The following MAOB variants were observed in gnomAD, a reference collection of about 807,000 sequenced individuals.
The protein encoded by MAOB is amine oxidase [flavin-containing] B.
In MAOB, 15 loss-of-function variants were observed where a neutral mutation model predicts 41.9. The observed-to-expected ratio is 0.36, with a 90% CI of 0.24 to 0.55. MAOB has a LOEUF of 0.55. MAOB is among the 20% of genes least tolerant of loss of function. The probability of loss-of-function intolerance (pLI) is 0.86; values close to 1 mark genes in which losing one functional copy is unlikely to be tolerated. For missense variants in MAOB, 345 were observed against 398.7 expected (o/e 0.87, Z 1.15); for synonymous variants, 167 against 144.2 (o/e 1.16, Z -1.13).
Position 43,808,864 on chromosome X carries a change from C to T in MAOB, c.280-5460G>A, listed in dbSNP as rs1286609215. Among the ~76,000 whole-genome samples, 3 of 110,365 alleles carry T rather than the reference C, an allele frequency of 2.7e-5. No homozygotes were observed. In the East Asian group the frequency reaches 8.5e-4, roughly 31 times the overall value. On this transcript the variant is annotated intron_variant, in intron 3 of 14. Transcript: ENST00000378069. ...GGATTACAGGTGCACACCACCACGC[C>T]TGGCTAATTTTTGTATTTTTAGTAG... is the stretch of plus-strand genomic sequence containing the variant.
In MAOB at chrX:43,838,929, T is replaced by C; in HGVS notation, c.218A>G (p.Lys73Arg). 8.3e-7 allele frequency: 1 copy of C among 1,206,323 alleles called. No individual in the cohort carries two copies. Among genetic ancestry groups the C allele is most frequent in the Non-Finnish European group, 1.1e-6 (1 of 891,981 alleles). Residue 73 changes from lysine (K) to arginine (R), a missense_variant, in exon 3 of 15, where the codon AAG becomes AGG. Coordinates refer to ENST00000378069, the MANE Select transcript of MAOB (RefSeq NM_000898.5). Reference sequence around the variant, plus strand: ...TTTGTAGGTCTCCAATCCTAGCTCCTTGGCTAATCTCAAGATACGATTCTG... The same window carrying C: ...TTTGTAGGTCTCCAATCCTAGCTCCCTGGCTAATCTCAAGATACGATTCTG... ...PTQNRILRLA[K>R]ELGLETYKVN...
intron 3 of MAOB, among the ~76,000 whole-genome samples, chrX:43,819,925 A>G (rs2034861760): frequency 1.8e-5 from 2 of 112,288 alleles, no homozygotes; most frequent in Non-Finnish European, 3.8e-5. Context: ...CCTCAAGACA[A>G]AGCTTATTTT....
intron 5 of MAOB, among the ~76,000 whole-genome samples, chrX:43,798,060 C>G (rs1383411004): frequency 8.9e-6 from 1 of 111,842 alleles, no homozygotes; most frequent in Non-Finnish European, 1.9e-5. Context: ...TGAAAACGAC[C>G]ACTGGCTTCC....
chrX:43,876,493 T>C (rs911369737), intron 1 of MAOB, among the ~76,000 whole-genome samples: 2 of 111,332 alleles, frequency 1.8e-5, no homozygotes, highest in African/African-American at 3.3e-5. Flanking sequence ...TCATCTGTAA[T>C]TGAACTCCAC....
chrX:43,881,838 C>T (rs747710443), intron 1 of MAOB, among the ~76,000 whole-genome samples: 3 of 112,384 alleles, frequency 2.7e-5, no homozygotes, highest in Non-Finnish European at 5.6e-5. Context: ...GTTTTCCTGA[C>T]GCCAGGACAA....
At chrX:43,868,167 C>T (rs1413981922) in intron 1 of MAOB, among the ~76,000 whole-genome samples, 1 of 111,759 alleles carries the variant, frequency 8.9e-6, no homozygotes, top group Non-Finnish European at 1.9e-5. Flanking sequence ...ATCTGTTTGG[C>T]GAAATATATT....
At chrX:43,772,586 T>G (rs2034198388) in intron 12 of MAOB, among the ~76,000 whole-genome samples, 1 of 112,144 alleles carries the variant, frequency 8.9e-6, no homozygotes, top group African/African-American at 3.2e-5. Context: ...ATGTGTCATA[T>G]AGGGCAAACT....
At chrX:43,829,637 C>A (rs375105067) in intron 3 of MAOB, among the ~76,000 whole-genome samples, 1 of 111,575 alleles carries the variant, frequency 9.0e-6, no homozygotes, top group African/African-American at 3.3e-5. Flanking sequence ...GTTTCCCTGC[C>A]CTTAGGAAGT....
chrX:43,795,683 G>T (rs150290790), intron 7 of MAOB, 56 bp downstream of exon 7: 6 of 1,029,562 alleles, frequency 5.8e-6, no homozygotes, highest in Non-Finnish European at 8.0e-6. Context: ...TTTTAAAGTT[G>T]TATGCCAGGA....
In MAOB at chrX:43,798,594, G is replaced by A. The variant is rs941871913; in HGVS notation, c.477-1328C>T. ...AAAGCAAACTATCTCATGCAATTTC[G>A]AGGACTCCATTATATCTAGCACAGC... On this transcript the variant is annotated intron_variant, in intron 5 of 14. Transcript: ENST00000378069. Among the ~76,000 whole-genome samples, 28 of 111,668 alleles carry A rather than the reference G, an allele frequency of 2.5e-4. No homozygotes were observed. In the Admixed American group the frequency reaches 2.7e-3, roughly 11 times the overall value.
intron 8 of MAOB, among the ~76,000 whole-genome samples, chrX:43,785,879 A>G (rs1465903447): frequency 1.8e-5 from 2 of 111,988 alleles, no homozygotes; most frequent in Non-Finnish European, 3.8e-5. Context: ...AACAATTACA[A>G]TAGTAACATC....
intron 1 of MAOB, among the ~76,000 whole-genome samples, chrX:43,858,617 A>G (rs1345809490): frequency 9.0e-6 from 1 of 110,620 alleles, no homozygotes; most frequent in East Asian, 2.8e-4. Context: ...AGGACTCCCT[A>G]GTGTGGATTT....
At chrX:43,851,996 TGAAAACACCACCTGGTCAA>T (rs1054835081) in intron 1 of MAOB, among the ~76,000 whole-genome samples, 31 of 111,720 alleles carry the variant, frequency 2.8e-4, no homozygotes, top group African/African-American at 9.8e-4. Flanking sequence ...CAGAACCAAA[TGAAAACACCACCTGGTCAA>T]GAAGAAGCCA....
At chrX:43,810,242 CAAAAAAAAAA>C (rs143045804) in intron 3 of MAOB, among the ~76,000 whole-genome samples, 1 of 37,684 alleles carries the variant, frequency 2.7e-5, no homozygotes, top group East Asian at 9.6e-4. Flanking sequence ...GACTCTGTCT[CAAAAAAAAAA>C]AAAAAAAAAA....
Position 43,767,635 on chromosome X carries a change from T to C in MAOB, c.1411-17A>G, listed in dbSNP as rs1265287770. 2 of 1,200,704 alleles carry C rather than the reference T, an allele frequency of 1.7e-6. No individual in the cohort carries two copies. The highest frequency in any genetic ancestry group is 2.3e-6 in the Non-Finnish European group (2 of 888,042). On this transcript the variant is annotated splice_polypyrimidine_tract_variant and intron_variant, in intron 14 of 14. Transcript: ENST00000378069. The stretch of plus-strand genomic sequence containing the variant: ...AGGGACATCCTAGGTTCAGAAAACA[T>C]TGGGTATTAGTACAGGGCTTGTGCA...
rs138255001 is a variant in MAOB, at chrX:43,805,617, G to A, written c.280-2213C>T. On this transcript the variant is annotated intron_variant, in intron 3 of 14. Coordinates refer to ENST00000378069, the MANE Select transcript of MAOB (RefSeq NM_000898.5). ...ATTTCTGAGGTTTGTCCAAGTTTCC[G>A]TTTGTTCCTTTTTATTGCTAAGTAG... is the stretch of plus-strand genomic sequence containing the variant. Among the ~76,000 whole-genome samples, 593 of 111,992 alleles carry A rather than the reference G, an allele frequency of 5.3e-3. 3 individuals carry two copies. Among genetic ancestry groups the A allele is most frequent in the Non-Finnish European group, 7.2e-3 (384 of 53,184 alleles).
chrX:43,853,917 C>T (rs2035271788), intron 1 of MAOB, among the ~76,000 whole-genome samples: 1 of 112,489 alleles, frequency 8.9e-6, no homozygotes, highest in African/African-American at 3.2e-5. Flanking sequence ...TCATAAGCCA[C>T]CCAGGGTGTG....
At chrX:43,867,817 A>T (rs1195517510) in intron 1 of MAOB, among the ~76,000 whole-genome samples, 1 of 112,567 alleles carries the variant, frequency 8.9e-6, no homozygotes, top group Non-Finnish European at 1.9e-5. Flanking sequence ...GCTCCCATTT[A>T]AAAAATCACT....
Position 43,803,496 on chromosome X carries a change from T to G in MAOB, c.280-92A>C. 8 of 1,075,291 alleles carry G rather than the reference T, an allele frequency of 7.4e-6. 1 individual carries two copies. The South Asian group carries it at 2.0e-4, about 27-fold the overall frequency. 88.6% of individuals were successfully genotyped at this position (1,075,291 alleles called of 1,213,427 possible). ...ATTGGTAAATGTCTGCAAGCAAAATTATGTGAGTTATCAATATGTGATATA... is the reference window on the plus strand; with the variant it reads ...ATTGGTAAATGTCTGCAAGCAAAATGATGTGAGTTATCAATATGTGATATA... On this transcript the variant is annotated intron_variant, in intron 3 of 14. Coordinates refer to ENST00000378069, the MANE Select transcript of MAOB (RefSeq NM_000898.5).
Sources: allele counts gnomAD v4.1 joint callset (sites outside exome capture counted in the v4.1 genomes callset), GRCh38; gene constraint gnomAD v4.1.1; transcripts MANE v1.5; gene names NCBI Gene and HGNC (gene_info 2026-07-23, HGNC 2026-07-21).